ALDH2: variants seen among roughly 807,000 people sequenced by gnomAD.
The protein encoded by ALDH2 is aldehyde dehydrogenase 2 family member, also known as aldehyde dehydrogenase, mitochondrial.
In ALDH2, 44 loss-of-function variants were observed where a neutral mutation model predicts 59.6. That is an observed-to-expected ratio of 0.74 (90% CI 0.58 to 0.95). The LOEUF is 0.95. Among genes scored for constraint, ALDH2 ranks in the 40% least tolerant of loss-of-function variants. The probability of loss-of-function intolerance (pLI) is 0.00; values close to 1 mark genes in which losing one functional copy is unlikely to be tolerated. For missense variants in ALDH2, 570 were observed against 696.3 expected (o/e 0.82, Z 2.04); for synonymous variants, 291 against 284.0 (o/e 1.02, Z -0.25).
intron 2 of ALDH2, 52 bp from the exon 3 acceptor site, chr12:111,783,106 C>A: frequency 6.3e-7 from 1 of 1,582,164 alleles, no homozygotes; most frequent in Non-Finnish European, 8.6e-7. Context: ...CTGGTTATTA[C>A]TGAGAAGACC....
chr12:111,768,386 C>T (rs1007406519), intron 1 of ALDH2, among the ~76,000 whole-genome samples: 6 of 152,212 alleles, frequency 3.9e-5, no homozygotes, highest in African/African-American at 1.4e-4. Context: ...GGTAAAGGCA[C>T]ATGCGTGTGA....
In ALDH2 at chr12:111,767,014, G is replaced by T. The variant is rs2068163053; in HGVS notation, c.32G>T (p.Arg11Leu). MLRAAARFGP[R>L]LGRRLLSAAA... ...CGCGCTGCCGCCCGCTTCGGGCCCC[G>T]CCTGGGCCGCCGCCTCTTGTCAGCC... The change falls in exon 1 of 13, where the codon CGC becomes CTC. Residue 11 changes from arginine (R) to leucine (L), a missense_variant. Coordinates refer to ENST00000261733, the MANE Select transcript of ALDH2 (RefSeq NM_000690.4). The T allele has an allele frequency of 1.3e-6, 2 of 1,523,508 alleles. No homozygotes were observed. The highest frequency in any genetic ancestry group is 1.8e-6 in the Non-Finnish European group (2 of 1,141,706). 94.4% of individuals were successfully genotyped at this position (1,523,508 alleles called of 1,614,324 possible). A position where few individuals can be genotyped will look rare whatever the true frequency, so the allele number is the denominator to read the frequency against.
chr12:111,808,598 G>C (rs182625224), intron 12 of ALDH2, among the ~76,000 whole-genome samples: 2 of 152,030 alleles, frequency 1.3e-5, no homozygotes, highest in East Asian at 1.9e-4. Context: ...CCACCTACTC[G>C]GGAGGCTGAG....
rs1469533357 is a variant in ALDH2, at chr12:111,809,956, T to G, written c.*381T>G. ...CCCTGCTTTGTATTCTGGGCTAAGATTCATTAAAAACTAGCTGCTCTTAAC... is the reference window on the plus strand; with the variant it reads ...CCCTGCTTTGTATTCTGGGCTAAGAGTCATTAAAAACTAGCTGCTCTTAAC... On this transcript the variant is annotated 3_prime_UTR_variant, in exon 13 of 13. Coordinates refer to ENST00000261733, the MANE Select transcript of ALDH2 (RefSeq NM_000690.4). 7.2e-6 allele frequency: 2 copies of G among 276,762 alleles called. No homozygotes were observed. The highest frequency in any genetic ancestry group is 4.4e-5 in the African/African-American group (2 of 45,020). The allele number at this position is 276,762 out of a possible 1,614,324, so 17.1% of individuals were successfully genotyped here. A position where few individuals can be genotyped will look rare whatever the true frequency, so the allele number is the denominator to read the frequency against.
Position 111,800,027 on chromosome 12 carries a change from A to C in ALDH2, c.1370A>C (p.Asn457Thr). The C allele has an allele frequency of 6.2e-7, 1 of 1,613,588 alleles. No individual in the cohort carries two copies. Residue 457 changes from asparagine to threonine, a missense_variant, in exon 11 of 13, where the codon AAT (asparagine) becomes ACT (threonine). Transcript: ENST00000261733. ...TTCACAAAGGATTTGGACAAGGCCAATTACCTGTCCCAGGCCCTCCAGGCG... is the reference window on the plus strand; with the variant it reads ...TTCACAAAGGATTTGGACAAGGCCACTTACCTGTCCCAGGCCCTCCAGGCG... ...AVFTKDLDKA[N>T]YLSQALQAGT...
chr12:111,796,153 C>G (rs2068401541), intron 9 of ALDH2, among the ~76,000 whole-genome samples: 1 of 151,022 alleles, frequency 6.6e-6, no homozygotes, highest in South Asian at 2.1e-4. Flanking sequence ...GAAACCTCAT[C>G]TCTACTAAAA....
rs111277749 is a variant in ALDH2 at position 111,791,365 on chromosome 12, C to T, written c.741C>T (p.Ala247=). The change falls in exon 7 of 13, where the codon GCC becomes GCT. Residue 247 remains alanine (A), a synonymous_variant. Coordinates refer to ENST00000261733, the MANE Select transcript of ALDH2 (RefSeq NM_000690.4). The stretch of plus-strand genomic sequence containing the variant: ...CTGGATTTGGCCCCACGGCTGGGGC[C>T]GCCATTGCCTCCCATGAGGATGTGG... ...IVPGFGPTAG[A]AIASHEDVDK... The T allele has an allele frequency of 9.1e-5, 147 of 1,614,014 alleles. No individual in the cohort carries two copies. Among genetic ancestry groups the T allele is most frequent in the Non-Finnish European group, 1.1e-4 (134 of 1,180,004 alleles).
intron 2 of ALDH2, among the ~76,000 whole-genome samples, chr12:111,782,922 C>A (rs533701580): frequency 6.6e-6 from 1 of 151,232 alleles, no homozygotes; most frequent in Admixed American, 6.6e-5. Context: ...AGAAATTATC[C>A]GGATTCTCAT....
At chr12:111,777,571 A>G (rs1415662643) in intron 1 of ALDH2, among the ~76,000 whole-genome samples, 3 of 152,042 alleles carry the variant, frequency 2.0e-5, no homozygotes, top group Non-Finnish European at 4.4e-5. Flanking sequence ...AAGGATGCCT[A>G]CTCAATGGCT....
chr12:111,808,524 G>A (rs2068514083), intron 12 of ALDH2, among the ~76,000 whole-genome samples: 2 of 152,200 alleles, frequency 1.3e-5, no homozygotes, highest in Middle Eastern at 3.4e-3. Flanking sequence ...GACCAACAAG[G>A]TGAAATCCCT....
intron 9 of ALDH2, among the ~76,000 whole-genome samples, 175 bp from the exon 10 acceptor site, chr12:111,797,903 T>C (rs2068417983): frequency 6.6e-6 from 1 of 152,220 alleles, no homozygotes; most frequent in African/African-American, 2.4e-5. Context: ...GCTGAGGAAG[T>C]TGGGCCTTTT....
intron 4 of ALDH2, 93 bp from the exon 5 acceptor site, chr12:111,789,730 C>T: frequency 9.4e-7 from 1 of 1,062,638 alleles, no homozygotes; most frequent in Non-Finnish European, 1.4e-6. Flanking sequence ...CAGAAAGACT[C>T]AGCTGGACCA....
chr12:111,805,028 A>C (rs2068483327), intron 12 of ALDH2, among the ~76,000 whole-genome samples: 1 of 152,184 alleles, frequency 6.6e-6, no homozygotes, highest in South Asian at 2.1e-4. Context: ...CTTAATGCCC[A>C]ATAAATTATG....
In ALDH2 at chr12:111,798,209, T is replaced by G; in HGVS notation, c.1215T>G (p.Asp405Glu). ...TCATCCAGCCCACTGTGTTTGGAGA[T>G]GTGCAGGATGGCATGACCATCGCCA... ...GYFIQPTVFG[D>E]VQDGMTIAKE... The change falls in exon 10 of 13, where the codon GAT becomes GAG. Residue 405 changes from aspartate (D) to glutamate (E), a missense_variant. Physicochemically the swap from Asp to Glu is conservative, Grantham distance 45. Transcript: ENST00000261733. 6.3e-7 allele frequency: 1 copy of G among 1,581,864 alleles called. No individual in the cohort carries two copies. The highest frequency in any genetic ancestry group is 8.6e-7 in the Non-Finnish European group (1 of 1,163,312).
At position 111,798,174 on chromosome 12, in the gene ALDH2, C is replaced by T. The variant is rs761154464; in HGVS notation, c.1180C>T (p.Arg394Cys). 61 of 1,609,814 alleles carry T rather than the reference C, an allele frequency of 3.8e-5. No individual in the cohort carries two copies. In the South Asian group the frequency reaches 5.3e-4, roughly 14 times the overall value. ...GTGTGGTGGGGGCATTGCTGCTGAC[C>T]GTGGTTACTTCATCCAGCCCACTGT... ...LLCGGGIAAD[R>C]GYFIQPTVFG... is the part of the protein sequence containing the mutation. The change falls in exon 10 of 13, where the codon CGT (arginine) becomes TGT (cysteine). Residue 394 changes from arginine to cysteine, a missense_variant. Coordinates refer to ENST00000261733, the MANE Select transcript of ALDH2 (RefSeq NM_000690.4).
chr12:111,770,573 C>T (rs1439006976), intron 1 of ALDH2, among the ~76,000 whole-genome samples: 3 of 151,968 alleles, frequency 2.0e-5, no homozygotes, highest in Non-Finnish European at 4.4e-5. Flanking sequence ...AAGTTATCCT[C>T]CTACTTCAGT....
At chr12:111,793,696 G>T (rs1254932892) in intron 9 of ALDH2, among the ~76,000 whole-genome samples, 1 of 151,126 alleles carries the variant, frequency 6.6e-6, no homozygotes, top group Non-Finnish European at 1.5e-5. Context: ...AGCAATTCTT[G>T]TGCCTCAGCC....
chr12:111,785,075 C>T (rs571679923), intron 3 of ALDH2, among the ~76,000 whole-genome samples, 192 bp from the exon 4 acceptor site: 1 of 152,320 alleles, frequency 6.6e-6, no homozygotes, highest in Admixed American at 6.5e-5. Flanking sequence ...TGGCCCCCTT[C>T]CTCCTCCTCC....
intron 11 of ALDH2, among the ~76,000 whole-genome samples, chr12:111,800,661 T>A (rs548293892): frequency 6.6e-6 from 1 of 152,240 alleles, no homozygotes; most frequent in African/African-American, 2.4e-5. Context: ...TATATGTATA[T>A]ATATTTTAAA....
Sources: gnomAD v4.1 joint callset for allele counts (sites outside exome capture counted in the v4.1 genomes callset) on GRCh38, gnomAD v4.1.1 for gene constraint, MANE v1.5 for transcripts, NCBI Gene and HGNC (gene_info 2026-07-23, HGNC 2026-07-21) for gene names.